Variants in ACACB observed in about 807,000 individuals in gnomAD.
ACACB encodes acetyl-CoA carboxylase 2.
Under a neutral mutation model 278.8 loss-of-function variants are expected in ACACB, and 209 were observed. The ratio of observed to expected loss-of-function variants is 0.75; its 90% CI spans 0.67 to 0.84. The LOEUF is 0.84. ACACB is among the 40% of genes least tolerant of loss of function. The probability of loss-of-function intolerance (pLI) is 0.00; values close to 1 mark genes in which losing one functional copy is unlikely to be tolerated. For synonymous variants in ACACB, 1,174 were observed against 1,285.6 expected (o/e 0.91, Z 1.86); for missense variants, 2,850 against 3,269.0 (o/e 0.87, Z 3.13).
chr12:109,205,693 A>G (rs1234431235), intron 19 of ACACB, among the ~76,000 whole-genome samples: 1 of 152,028 alleles, frequency 6.6e-6, no homozygotes, highest in Non-Finnish European at 1.5e-5. Context: ...ACCTCAGTTC[A>G]TCCTCCCACC....
chr12:109,265,357 C>T, intron 51 of ACACB, 32 bp from the exon 52 acceptor site: 5 of 1,611,692 alleles, frequency 3.1e-6, no homozygotes, highest in Non-Finnish European at 4.2e-6. Flanking sequence ...CAGCTGGGTC[C>T]CTCTCTGAGG....
intron 24 of ACACB, among the ~76,000 whole-genome samples, chr12:109,221,149 T>G (rs2046148633): frequency 6.6e-6 from 1 of 152,156 alleles, no homozygotes; most frequent in Non-Finnish European, 1.5e-5. Context: ...CTACCACATT[T>G]CTTCAGCATT....
Position 109,140,056 on chromosome 12 carries a change from G to T in ACACB, c.651G>T (p.Met217Ile). ...TGEAETRVPT[M>I]RPSMSGLHLV... The stretch of plus-strand genomic sequence containing the variant: ...AAGCTGAGACCCGCGTCCCCACTAT[G>T]AGGTAATGTGCATTTTCTCCTTGTA... The change falls in exon 2 of 53, where the codon ATG (methionine) becomes ATT (isoleucine). Residue 217 changes from methionine to isoleucine, a missense_variant and splice_region_variant. Physicochemically the swap from Met to Ile is conservative, Grantham distance 10 (BLOSUM62 1). Transcript: ENST00000338432. 1 of 1,583,228 alleles carries T rather than the reference G, an allele frequency of 6.3e-7. No individual in the cohort carries two copies. Among genetic ancestry groups the T allele is most frequent in the South Asian group, 1.1e-5 (1 of 87,844 alleles).
In ACACB at chr12:109,259,575, C is replaced by CA. The variant is rs1480519994; in HGVS notation, c.6496+474dup. On this transcript the variant is annotated intron_variant, in intron 47 of 52. Coordinates refer to ENST00000338432, the MANE Select transcript of ACACB (RefSeq NM_001093.4). ...GAGACCCCCATCTCAAAAAAAAAAA[C>CA]AAAAAAACAAAAAAAAAACAATGAG... Among the ~76,000 whole-genome samples, 5 of 130,298 alleles carry CA rather than the reference C, an allele frequency of 3.8e-5. No individual in the cohort carries two copies. The East Asian group carries it at 7.2e-4, about 19-fold the overall frequency. The allele number at this position is 130,298 out of a possible 152,430, so 85.5% of individuals were successfully genotyped here. A position where few individuals can be genotyped will look rare whatever the true frequency, so the allele number is the denominator to read the frequency against.
At chr12:109,210,235 A>ATATATGTACATATACACACATGTGTG (rs2045736261) in intron 21 of ACACB, among the ~76,000 whole-genome samples, 224 of 21,090 alleles carry the variant, frequency 0.011, 42 homozygotes, top group Non-Finnish European at 0.014. Context: ...GTGTATATGT[A>ATATATGTACATATACACACATGTGTG]TATATGTATA....
chr12:109,113,012 A>C (rs2042339427), upstream of ACACB: 1 of 152,222 alleles, frequency 6.6e-6, no homozygotes, highest in Admixed American at 6.5e-5. Context: ...ATGGACACTG[A>C]AATTAGATTT....
At position 109,129,854 on chromosome 12, in the gene ACACB, C is replaced by T. The variant is rs112960786; in HGVS notation, c.-9-9543C>T. 3.9e-3 allele frequency among the ~76,000 whole-genome samples: 587 copies of T among 152,322 alleles called. 3 individuals carry two copies. The highest frequency in any genetic ancestry group is 0.014 in the African/African-American group (563 of 41,580). ...AGGTGCTGTGAACCAAATGTGAATCCTTTCTGTCCATGAGTGGAGGAAGAT... is the reference window on the plus strand; with the variant it reads ...AGGTGCTGTGAACCAAATGTGAATCTTTTCTGTCCATGAGTGGAGGAAGAT... On this transcript the variant is annotated intron_variant, in intron 1 of 52. Coordinates refer to ENST00000338432, the MANE Select transcript of ACACB (RefSeq NM_001093.4).
At chr12:109,156,606 G>GCC (rs11395613) in intron 2 of ACACB, among the ~76,000 whole-genome samples, 3 of 139,220 alleles carry the variant, frequency 2.2e-5, no homozygotes, top group Admixed American at 7.1e-5. Context: ...TTTTTTTTTG[G>GCC]GGGGGGGCTA....
At chr12:109,166,511 T>C (rs1226782459) in intron 2 of ACACB, among the ~76,000 whole-genome samples, 4 of 151,620 alleles carry the variant, frequency 2.6e-5, no homozygotes, top group Non-Finnish European at 5.9e-5. Flanking sequence ...TGAGACCCCA[T>C]CTCTACAAAA....
At chr12:109,239,594 G>A (rs1196898021) in intron 34 of ACACB, among the ~76,000 whole-genome samples, 1 of 152,250 alleles carries the variant, frequency 6.6e-6, no homozygotes, top group Non-Finnish European at 1.5e-5. Flanking sequence ...GGGTCAGCAA[G>A]GCCCCAGGTG....
chr12:109,118,893 A>C (rs2042470938), intron 1 of ACACB, among the ~76,000 whole-genome samples: 1 of 152,194 alleles, frequency 6.6e-6, no homozygotes, highest in Non-Finnish European at 1.5e-5. Context: ...TGCAGTGATA[A>C]TAGTAAATTT....
intron 29 of ACACB, among the ~76,000 whole-genome samples, chr12:109,233,348 T>G (rs553409953): frequency 2.0e-5 from 3 of 152,308 alleles, no homozygotes. Flanking sequence ...GAGTATCTTG[T>G]GGAATTTTCA....
At position 109,166,936 on chromosome 12, in the gene ACACB, C is replaced by T. The variant is rs751921482; in HGVS notation, c.729C>T (p.Thr243=). The stretch of plus-strand genomic sequence containing the variant: ...AGCTGGACCTGCACAGAGACTTTAC[C>T]GTGGCTTCTCCCGCTGAGTTTGTCA... ...HKKLDLHRDF[T]VASPAEFVTR... is the part of the protein sequence containing the mutation. The change falls in exon 3 of 53, where the codon ACC becomes ACT. Residue 243 remains threonine (T), a synonymous_variant. Coordinates refer to ENST00000338432, the MANE Select transcript of ACACB (RefSeq NM_001093.4). The T allele has an allele frequency of 3.8e-5, 61 of 1,613,882 alleles. No homozygotes were observed. Among genetic ancestry groups the T allele is most frequent in the Admixed American group, 1.3e-4 (8 of 59,962 alleles).
chr12:109,166,649 CA>C (rs869303420), intron 2 of ACACB, among the ~76,000 whole-genome samples: 120 of 25,082 alleles, frequency 4.8e-3, no homozygotes, highest in Admixed American at 0.014. Flanking sequence ...GATCCCGTCT[CA>C]AAAAAAAAAA....
intron 4 of ACACB, among the ~76,000 whole-genome samples, chr12:109,169,161 G>A (rs1348973707): frequency 2.5e-4 from 20 of 81,486 alleles, no homozygotes; most frequent in East Asian, 3.8e-4. Context: ...AAAAAAAAAA[G>A]CAAAACAAAA....
At chr12:109,252,296 A>G in intron 42 of ACACB, 140 bp downstream of exon 42, 1 of 567,052 alleles carries the variant, frequency 1.8e-6, no homozygotes, top group Non-Finnish European at 3.0e-6. Context: ...TTTTTTTCCA[A>G]TTTGCAGCTA....
intron 1 of ACACB, among the ~76,000 whole-genome samples, chr12:109,131,618 G>A (rs1032931032): frequency 6.6e-6 from 1 of 152,176 alleles, no homozygotes; most frequent in African/African-American, 2.4e-5. Context: ...CCCTGCCCTT[G>A]CCTGGTGACT....
intron 12 of ACACB, 91 bp downstream of exon 12, chr12:109,185,831 A>G (rs2044640452): frequency 7.5e-7 from 1 of 1,327,690 alleles, no homozygotes; most frequent in Non-Finnish European, 1.0e-6. Flanking sequence ...GACACCCACA[A>G]GCTATCCAGG....
chr12:109,174,038 C>A, intron 6 of ACACB, 94 bp from the exon 7 acceptor site: 2 of 1,032,050 alleles, frequency 1.9e-6, no homozygotes, highest in Non-Finnish European at 2.8e-6. Context: ...CTGCTCCTTA[C>A]CTGGCCCCAC....
Sources: gnomAD v4.1 joint callset for allele counts (sites outside exome capture counted in the v4.1 genomes callset) on GRCh38, gnomAD v4.1.1 for gene constraint, MANE v1.5 for transcripts, NCBI Gene and HGNC (gene_info 2026-07-23, HGNC 2026-07-21) for gene names.